RNGTT: variants seen among roughly 807,000 people sequenced by gnomAD.
RNGTT encodes the protein mRNA-capping enzyme.
A neutral mutation model predicts 79.3 loss-of-function variants in RNGTT; 33 were observed. That is an observed-to-expected ratio of 0.42 (90% CI 0.32 to 0.56). The LOEUF (loss-of-function observed/expected upper bound fraction) is 0.56, where lower values mean the gene tolerates loss of function less well. Among genes scored for constraint, RNGTT ranks in the 20% least tolerant of loss-of-function variants. The pLI is 0.17. For synonymous variants in RNGTT, 222 were observed against 235.9 expected, an observed-to-expected ratio of 0.94 and a Z score of 0.54; for missense variants, 497 against 739.1, an observed-to-expected ratio of 0.67 and a Z score of 3.80.
chr6:88,621,416 G>C lies in RNGTT; in HGVS notation c.1507-7021C>G, dbSNP rs563083249. On this transcript the variant is annotated intron_variant, in intron 14 of 15. Transcript: ENST00000369485. Reference sequence around the variant, plus strand: ...ATCATGTGCCTCAGCTTATCAACCAGCTTGTACTGTTGATAGCTGGTTAAG... The same window carrying C: ...ATCATGTGCCTCAGCTTATCAACCACCTTGTACTGTTGATAGCTGGTTAAG... 7.2e-5 allele frequency among the ~76,000 whole-genome samples: 11 copies of C among 152,224 alleles called. No individual in the cohort carries two copies. The East Asian group carries it at 2.1e-3, about 29-fold the overall frequency.
At chr6:88,626,918 T>C (rs539948930) in intron 14 of RNGTT, among the ~76,000 whole-genome samples, 63 of 152,210 alleles carry the variant, frequency 4.1e-4, no homozygotes, top group Non-Finnish European at 6.6e-4. Context: ...CGGCATAATA[T>C]ATTGGTTCTC....
chr6:88,853,504 CA>C (rs878907929), intron 9 of RNGTT, 124 bp downstream of exon 9: 68,698 of 436,120 alleles, frequency 0.16, 24 homozygotes, highest in South Asian at 0.18. Context: ...GACTCCGTCT[CA>C]AAAAAAAAAA....
intron 8 of RNGTT, among the ~76,000 whole-genome samples, chr6:88,887,950 T>C (rs982829343): frequency 2.6e-5 from 4 of 152,074 alleles, no homozygotes; most frequent in Non-Finnish European, 5.9e-5. Flanking sequence ...ATCATATCTC[T>C]ACAGAAAATT....
At chr6:88,802,124 C>A (rs1779809684) in intron 11 of RNGTT, among the ~76,000 whole-genome samples, 1 of 152,090 alleles carries the variant, frequency 6.6e-6, no homozygotes, top group African/African-American at 2.4e-5. Flanking sequence ...CTAGCTCAAA[C>A]ATGAAGATTA....
At chr6:88,641,181 A>G (rs1773302412) in intron 14 of RNGTT, among the ~76,000 whole-genome samples, 1 of 152,098 alleles carries the variant, frequency 6.6e-6, no homozygotes, top group South Asian at 2.1e-4. Context: ...TCTACTAAAA[A>G]TACAAAAATT....
At chr6:88,765,020 G>A (rs543828421) in intron 13 of RNGTT, among the ~76,000 whole-genome samples, 13 of 151,838 alleles carry the variant, frequency 8.6e-5, no homozygotes, top group Middle Eastern at 3.4e-3. Flanking sequence ...GTGAAACCCC[G>A]TCTCTACTAA....
At chr6:88,924,998 A>C (rs1295572658) in intron 4 of RNGTT, among the ~76,000 whole-genome samples, 1 of 152,010 alleles carries the variant, frequency 6.6e-6, no homozygotes, top group Non-Finnish European at 1.5e-5. Flanking sequence ...TGAGATAACA[A>C]TGGTGAGCCA....
intron 11 of RNGTT, among the ~76,000 whole-genome samples, chr6:88,814,066 A>G (rs987676059): frequency 7.1e-6 from 1 of 140,880 alleles, no homozygotes; most frequent in Non-Finnish European, 1.6e-5. Context: ...AAAAATACAT[A>G]GGCTGTATTA....
intron 2 of RNGTT, among the ~76,000 whole-genome samples, chr6:88,930,235 T>TTA (rs951383600): frequency 1.2e-3 from 166 of 142,674 alleles, no homozygotes; most frequent in African/African-American, 4.4e-3. Context: ...ATGTATCTTA[T>TTA]TATATATATT....
intron 12 of RNGTT, among the ~76,000 whole-genome samples, chr6:88,787,561 AG>A (rs1308561064): frequency 6.6e-6 from 1 of 152,096 alleles, no homozygotes; most frequent in Non-Finnish European, 1.5e-5. Context: ...CAGGAGGCTG[AG>A]GCTGGAGAAT....
At chr6:88,664,056 A>G (rs1002870268) in intron 14 of RNGTT, among the ~76,000 whole-genome samples, 1 of 152,176 alleles carries the variant, frequency 6.6e-6, no homozygotes, top group Admixed American at 6.5e-5. Context: ...TGGCTGGAAG[A>G]GCATGTTCCA....
At chr6:88,714,107 T>A (rs1314896594) in intron 13 of RNGTT, 1 of 152,216 alleles carries the variant, frequency 6.6e-6, no homozygotes, top group East Asian at 1.9e-4. Flanking sequence ...TGGAAATAAC[T>A]GTCTTACCTC....
intron 1 of RNGTT, among the ~76,000 whole-genome samples, chr6:88,959,366 T>C (rs1275258473): frequency 6.6e-6 from 1 of 152,128 alleles, no homozygotes; most frequent in African/African-American, 2.4e-5. Context: ...CATAAAAATG[T>C]TTTTTAAAAA....
At chr6:88,893,008 A>G (rs1038668151) in intron 6 of RNGTT, among the ~76,000 whole-genome samples, 4 of 152,072 alleles carry the variant, frequency 2.6e-5, no homozygotes, top group African/African-American at 7.2e-5. Context: ...TAGGAATTTC[A>G]TAAGCCCAAG....
Position 88,712,600 on chromosome 6 carries a change from G to T in RNGTT, c.1440-34181C>A, listed in dbSNP as rs533601530. Among the ~76,000 whole-genome samples, 38 of 152,298 alleles carry T rather than the reference G, an allele frequency of 2.5e-4. No individual in the cohort carries two copies. In the East Asian group the frequency reaches 7.1e-3, roughly 29 times the overall value. On this transcript the variant is annotated intron_variant, in intron 13 of 15. Transcript: ENST00000369485. ...ATGCTAGGACTGTAAGCACAAGCTG[G>T]TGTGCCTGATAATACTTTAGTTTTA... is the stretch of plus-strand genomic sequence containing the variant.
intron 13 of RNGTT, among the ~76,000 whole-genome samples, chr6:88,691,103 T>C (rs1042506413): frequency 2.0e-5 from 3 of 152,134 alleles, no homozygotes; most frequent in Non-Finnish European, 4.4e-5. Flanking sequence ...TAATCCCCAA[T>C]GTTGGAGGAG....
intron 11 of RNGTT, among the ~76,000 whole-genome samples, chr6:88,815,717 C>A (rs750642848): frequency 2.6e-5 from 4 of 152,178 alleles, no homozygotes; most frequent in Non-Finnish European, 4.4e-5. Context: ...TAGAATGATG[C>A]GATAGTTGCC....
At chr6:88,807,967 C>T (rs1780014628) in intron 11 of RNGTT, among the ~76,000 whole-genome samples, 1 of 151,988 alleles carries the variant, frequency 6.6e-6, no homozygotes, top group Admixed American at 6.6e-5. Context: ...AAATATCTTT[C>T]AATAATAAAG....
intron 14 of RNGTT, among the ~76,000 whole-genome samples, chr6:88,626,092 G>A (rs1371483025): frequency 6.6e-6 from 1 of 151,954 alleles, no homozygotes; most frequent in African/African-American, 2.4e-5. Context: ...GGAAACAGAG[G>A]CATAGAGGAG....
Sources: allele counts gnomAD v4.1 joint callset (sites outside exome capture counted in the v4.1 genomes callset), GRCh38; gene constraint gnomAD v4.1.1; transcripts MANE v1.5; gene names NCBI Gene and HGNC (gene_info 2026-07-23, HGNC 2026-07-21).